Variants in ACOX3 observed in about 807,000 individuals in gnomAD.
ACOX3 encodes the protein peroxisomal acyl-coenzyme A oxidase 3.
A neutral mutation model predicts 81.5 loss-of-function variants in ACOX3; 73 were observed. That is an observed-to-expected ratio of 0.90 (90% CI 0.74 to 1.09). The LOEUF is 1.09. ACOX3 is among the 50% of genes least tolerant of loss of function. The pLI, the probability that ACOX3 is intolerant of heterozygous loss-of-function variation, is 0.00. For missense variants in ACOX3, 947 were observed against 928.0 expected (o/e 1.02, Z -0.27); for synonymous variants, 387 against 375.1 (o/e 1.03, Z -0.37).
At chr4:8,356,285 C>A in the ACOX3 span, 2 of 353,064 alleles carry the variant, frequency 5.7e-6, no homozygotes, top group South Asian at 2.2e-5. Context: ...TCCCTCATCC[C>A]CACTTGTGGC....
Position 8,415,833 on chromosome 4 carries a change from G to A in ACOX3, c.311C>T (p.Pro104Leu), listed in dbSNP as rs114891471. 1,675 of 1,614,174 alleles carry A rather than the reference G, an allele frequency of 1.0e-3. 3 individuals carry two copies. Among genetic ancestry groups the A allele is most frequent in the Non-Finnish European group, 1.3e-3 (1,502 of 1,180,036 alleles). The change falls in exon 3 of 18, where the codon CCC becomes CTC. Residue 104 changes from proline to leucine, a missense_variant. Pro to Leu is a moderately conservative substitution (Grantham distance 98). Coordinates refer to ENST00000356406, the MANE Select transcript of ACOX3 (RefSeq NM_003501.3). ...CATGCCCAGGCACTGAATCAAGGCG[G>A]GGACCTTCAGAGGGCTCTTGAACAT... ...EDMFKSPLKV[P>L]ALIQCLGMYD...
At chr4:8,391,792 C>G (rs1000461838) in intron 11 of ACOX3, among the ~76,000 whole-genome samples, 1 of 152,220 alleles carries the variant, frequency 6.6e-6, no homozygotes, top group African/African-American at 2.4e-5. Flanking sequence ...AGCCAGGACT[C>G]AATCCCAGGC....
At chr4:8,367,822 A>C (rs1232560749) in intron 17 of ACOX3, among the ~76,000 whole-genome samples, 2 of 135,662 alleles carry the variant, frequency 1.5e-5, no homozygotes, top group Admixed American at 7.0e-5. Flanking sequence ...AAAAAAAAAA[A>C]AAAAAAAAAA....
chr4:8,396,860 AAACGGC>A, intron 9 of ACOX3, 71 bp downstream of exon 9: 1 of 1,532,708 alleles, frequency 6.5e-7, no homozygotes, highest in Non-Finnish European at 8.9e-7. Flanking sequence ...CCCAGTAACC[AAACGGC>A]AACTATGTAA....
chr4:8,408,123 C>CT (rs1299955560), intron 6 of ACOX3, among the ~76,000 whole-genome samples: 2 of 152,170 alleles, frequency 1.3e-5, no homozygotes, highest in African/African-American at 4.8e-5. Flanking sequence ...CTGTTTATGT[C>CT]TGTCAATTCA....
At chr4:8,355,914 T>C in the ACOX3 span, 2 of 161,150 alleles carry the variant, frequency 1.2e-5, no homozygotes, top group African/African-American at 4.8e-5. Context: ...ATGAACAGAC[T>C]TCAAGCACGG....
rs1722665590 is a variant in ACOX3 at position 8,419,221 on chromosome 4, G to T, written c.-14-2686C>A. On this transcript the variant is annotated intron_variant, in intron 1 of 17. Transcript: ENST00000356406. This position sits in a 1 kb window ranked among gnomAD's most constrained non-coding sequence, Gnocchi z 4.2. ...GAGGCCCAGACAGGTGGATCATGAGGTCAGGAATTCAAGACCAGCCTGGCC... is the reference window on the plus strand; with the variant it reads ...GAGGCCCAGACAGGTGGATCATGAGTTCAGGAATTCAAGACCAGCCTGGCC... 6.6e-6 allele frequency among the ~76,000 whole-genome samples: 1 copy of T among 152,002 alleles called. No individual in the cohort carries two copies. Among genetic ancestry groups the T allele is most frequent in the Non-Finnish European group, 1.5e-5 (1 of 68,000 alleles).
Position 8,389,817 on chromosome 4 carries a change from T to C in ACOX3, c.1301-83A>G, listed in dbSNP as rs2108856992. Reference sequence around the variant, plus strand: ...TCACTATGTGAGAATTTAAAAAGCCTTAAGAGGCTGGGTGCGGTGGCTCAC... The same window carrying C: ...TCACTATGTGAGAATTTAAAAAGCCCTAAGAGGCTGGGTGCGGTGGCTCAC... On this transcript the variant is annotated intron_variant, in intron 11 of 17. Transcript: ENST00000356406. The surrounding 1 kb of genome is among the most constrained non-coding windows in gnomAD (Gnocchi z 5.3). 6.4e-7 allele frequency: 1 copy of C among 1,569,912 alleles called. No homozygotes were observed. The highest frequency in any genetic ancestry group is 8.6e-7 in the Non-Finnish European group (1 of 1,156,368).
At chr4:8,374,767 G>GA (rs1372602467) in intron 15 of ACOX3, 1 of 488,312 alleles carries the variant, frequency 2.0e-6, no homozygotes, top group Non-Finnish European at 3.4e-6. Flanking sequence ...CCAAGTGAAA[G>GA]AAAAATTGGG....
At chr4:8,401,989 TCAC>T (rs1720420907) in intron 7 of ACOX3, among the ~76,000 whole-genome samples, 1 of 152,148 alleles carries the variant, frequency 6.6e-6, no homozygotes, top group Non-Finnish European at 1.5e-5. Flanking sequence ...CTCCCGGGGC[TCAC>T]CCCCCTCCAT....
chr4:8,404,795 G>T (rs759671883), intron 7 of ACOX3, among the ~76,000 whole-genome samples: 5 of 152,132 alleles, frequency 3.3e-5, no homozygotes, highest in African/African-American at 4.8e-5. Context: ...TATGAAACAC[G>T]CATATCTAGA....
In ACOX3 at chr4:8,386,650, A is replaced by G. The variant is rs1342206780; in HGVS notation, c.1537+2523T>C. Among the ~76,000 whole-genome samples, 4 of 152,044 alleles carry G rather than the reference A, an allele frequency of 2.6e-5. No individual in the cohort carries two copies. The East Asian group carries it at 7.7e-4, about 29-fold the overall frequency. On this transcript the variant is annotated intron_variant, in intron 13 of 17. Coordinates refer to ENST00000356406, the MANE Select transcript of ACOX3 (RefSeq NM_003501.3). The surrounding 1 kb of genome is among the most constrained non-coding windows in gnomAD (Gnocchi z 5.2). ...CCCCGTTTCCCACTGGCACCCAAAA[A>G]GGCAGGCTAAGATCTGCACGGTTAG...
chr4:8,406,732 C>A lies in ACOX3; in HGVS notation c.688-689G>T, dbSNP rs553140979. 6.6e-6 allele frequency among the ~76,000 whole-genome samples: 1 copy of A among 151,652 alleles called. No individual in the cohort carries two copies. Among genetic ancestry groups the A allele is most frequent in the Non-Finnish European group, 1.5e-5 (1 of 67,882 alleles). ...AGGAGACAGAGAGAAAGACAGCTTACGCCATTATTTCTGCTTATTAGAGAC... is the reference window on the plus strand; with the variant it reads ...AGGAGACAGAGAGAAAGACAGCTTAAGCCATTATTTCTGCTTATTAGAGAC... On this transcript the variant is annotated intron_variant, in intron 6 of 17. Transcript: ENST00000356406. This position sits in a 1 kb window ranked among gnomAD's most constrained non-coding sequence, Gnocchi z 5.6.
At chr4:8,361,513 T>C (rs1330663090), downstream of ACOX3, among the ~76,000 whole-genome samples, 1 of 150,642 alleles carries the variant, frequency 6.6e-6, no homozygotes, top group Admixed American at 6.6e-5. Context: ...GGAAGGCTTG[T>C]TATAAGTTAA....
intron 16 of ACOX3, 99 bp downstream of exon 16, chr4:8,373,462 G>C (rs1301114101): frequency 7.9e-7 from 1 of 1,273,646 alleles, no homozygotes; most frequent in African/African-American, 1.5e-5. Context: ...GTGATACTAA[G>C]GCGGTGCGTG....
In ACOX3 at chr4:8,419,886, C is replaced by T. The variant is rs1264180508; in HGVS notation, c.-14-3351G>A. Among the ~76,000 whole-genome samples the T allele has an allele frequency of 6.6e-6, 1 of 152,164 alleles. No homozygotes were observed. The highest frequency in any genetic ancestry group is 1.5e-5 in the Non-Finnish European group (1 of 68,036). On this transcript the variant is annotated intron_variant, in intron 1 of 17. Coordinates refer to ENST00000356406, the MANE Select transcript of ACOX3 (RefSeq NM_003501.3). This position sits in a 1 kb window ranked among gnomAD's most constrained non-coding sequence, Gnocchi z 4.2. ...AACCCCAGTGTCATGTTGGAATTCC[C>T]CTCTCCATGCGCCATAACCTCAGTA...
chr4:8,373,521 T>C (rs1716531094), intron 16 of ACOX3, 40 bp downstream of exon 16: 1 of 1,608,760 alleles, frequency 6.2e-7, no homozygotes. Flanking sequence ...GGCGGTTGTG[T>C]AACATGGATG....
Position 8,381,669 on chromosome 4 carries a change from T to C in ACOX3, c.1538-62A>G. 7.6e-7 allele frequency: 1 copy of C among 1,312,690 alleles called. No individual in the cohort carries two copies. Among genetic ancestry groups the C allele is most frequent in the Non-Finnish European group, 1.1e-6 (1 of 920,242 alleles). The allele number at this position is 1,312,690 out of a possible 1,614,324, so 81.3% of individuals were successfully genotyped here. The stretch of plus-strand genomic sequence containing the variant: ...TAGAGAACACAGCATTTGTCACAAC[T>C]CACCCCCAGGGACAAGGCACTGCCA... On this transcript the variant is annotated intron_variant, in intron 13 of 17. Coordinates refer to ENST00000356406, the MANE Select transcript of ACOX3 (RefSeq NM_003501.3). This position sits in a 1 kb window ranked among gnomAD's most constrained non-coding sequence, Gnocchi z 4.3.
rs1304935927 is a variant in ACOX3, at chr4:8,368,701, A to G, written c.1984-1621T>C. 6.8e-6 allele frequency among the ~76,000 whole-genome samples: 1 copy of G among 147,422 alleles called. No homozygotes were observed. The highest frequency in any genetic ancestry group is 2.5e-5 in the African/African-American group (1 of 39,752). ...TCACCTGGCAGCTCCTGGTTAATACACCAGTTCCTTGCAACTGGAAGGAAT... is the reference window on the plus strand; with the variant it reads ...TCACCTGGCAGCTCCTGGTTAATACGCCAGTTCCTTGCAACTGGAAGGAAT... On this transcript the variant is annotated intron_variant, in intron 17 of 17. Transcript: ENST00000356406. The surrounding 1 kb of genome is among the most constrained non-coding windows in gnomAD (Gnocchi z 5.9).
Sources: allele counts gnomAD v4.1 joint callset (sites outside exome capture counted in the v4.1 genomes callset), GRCh38; gene constraint gnomAD v4.1.1; non-coding constraint Gnocchi (gnomAD v3.1); transcripts MANE v1.5; gene names NCBI Gene and HGNC (gene_info 2026-07-23, HGNC 2026-07-21).